The following IQCK variants were observed in gnomAD, a reference collection of about 807,000 sequenced individuals.
IQCK encodes the protein IQ motif containing K.
In IQCK, 29 loss-of-function variants were observed where a neutral mutation model predicts 28.1. The observed-to-expected ratio is 1.03, with a 90% confidence interval of 0.77 to 1.41. IQCK has a LOEUF of 1.41. Among genes scored for constraint, IQCK ranks in the 40% most tolerant of loss-of-function variants. The pLI, the probability that IQCK is intolerant of heterozygous loss-of-function variation, is 0.00. For synonymous variants in IQCK, 113 were observed against 115.1 expected (o/e 0.98, Z 0.12); for missense variants, 359 against 314.7 (o/e 1.14, Z -1.07).
intron 6 of IQCK, among the ~76,000 whole-genome samples, chr16:19,782,671 G>A (rs1382958667): frequency 6.6e-6 from 1 of 152,040 alleles, no homozygotes; most frequent in East Asian, 1.9e-4. Context: ...ATAGAATTTT[G>A]ATTCCAAAAT....
chr16:19,820,640 C>T (rs941511042), intron 7 of IQCK, among the ~76,000 whole-genome samples: 6 of 136,152 alleles, frequency 4.4e-5, no homozygotes, highest in African/African-American at 1.7e-4. Flanking sequence ...CAGAGGGAAA[C>T]TCTGTATCAA....
intron 7 of IQCK, among the ~76,000 whole-genome samples, chr16:19,817,943 G>T (rs2056011142): frequency 6.6e-6 from 1 of 152,142 alleles, no homozygotes; most frequent in Admixed American, 6.6e-5. Flanking sequence ...ATTATAACTA[G>T]ACCTTCCTTT....
downstream of IQCK, among the ~76,000 whole-genome samples, chr16:19,830,026 T>C (rs200382575): frequency 0.22 from 33,905 of 151,772 alleles, 3,932 homozygotes; most frequent in Admixed American, 0.27. Context: ...AATGAATGAA[T>C]GAATGAATGA....
chr16:19,808,784 C>G (rs1191008250), intron 7 of IQCK, among the ~76,000 whole-genome samples: 10 of 152,206 alleles, frequency 6.6e-5, no homozygotes, highest in Non-Finnish European at 1.2e-4. Context: ...AGGGCAGTGC[C>G]CATGAAGCCA....
chr16:19,856,598 A>T, exon 10 of IQCK: 1 of 1,447,048 alleles, frequency 6.9e-7, no homozygotes, highest in Non-Finnish European at 9.7e-7. Context: ...TACCTTGTGC[A>T]AGGAAAATGT....
intron 7 of IQCK, among the ~76,000 whole-genome samples, chr16:19,805,549 C>A (rs1056951934): frequency 2.0e-5 from 3 of 152,152 alleles, no homozygotes; most frequent in African/African-American, 7.2e-5. Flanking sequence ...AGACTGTAAA[C>A]AGATACAAAT....
At chr16:19,759,555 T>G (rs191401676) in intron 4 of IQCK, among the ~76,000 whole-genome samples, 7 of 152,114 alleles carry the variant, frequency 4.6e-5, no homozygotes, top group African/African-American at 1.7e-4. Context: ...AAAAAAGACA[T>G]GTATATGTGG....
chr16:19,736,575 G>A (rs1250876765), intron 4 of IQCK, among the ~76,000 whole-genome samples: 1 of 152,206 alleles, frequency 6.6e-6, no homozygotes, highest in Non-Finnish European at 1.5e-5. Flanking sequence ...TTGGGTGTAT[G>A]TGTTCCCTGC....
At position 19,826,802 on chromosome 16, in the gene IQCK, A is replaced by G. The variant is rs538713279; in HGVS notation, c.691-224A>G. The stretch of plus-strand genomic sequence containing the variant: ...TCTTTCTATTGGACAGCACACACCT[A>G]TTCATTCTTAACCTACTATTACTAT... On this transcript the variant is annotated intron_variant, in intron 7 of 7. Transcript: ENST00000564186. 1.4e-4 allele frequency among the ~76,000 whole-genome samples: 22 copies of G among 152,356 alleles called. 1 individual carries two copies. The South Asian group carries it at 4.6e-3, about 32-fold the overall frequency.
At chr16:19,735,588 C>CT in intron 4 of IQCK, 138 bp downstream of exon 4, 1 of 699,232 alleles carries the variant, frequency 1.4e-6, no homozygotes, top group South Asian at 1.7e-5. Context: ...TTTGGGGTCA[C>CT]TTACCCAGTT....
chr16:19,843,081 T>C (rs951418281), intron 9 of IQCK, among the ~76,000 whole-genome samples: 1 of 152,198 alleles, frequency 6.6e-6, no homozygotes, highest in Non-Finnish European at 1.5e-5. Flanking sequence ...TCTTCTTAAC[T>C]GATTGTAGAA....
At chr16:19,739,376 A>C (rs1340978127) in intron 4 of IQCK, among the ~76,000 whole-genome samples, 1 of 152,214 alleles carries the variant, frequency 6.6e-6, no homozygotes, top group African/African-American at 2.4e-5. Context: ...CTAACAAGAG[A>C]GGGCACTCTG....
intron 7 of IQCK, among the ~76,000 whole-genome samples, chr16:19,796,474 GTTTATTTATTTA>G (rs533247341): frequency 2.7e-5 from 3 of 109,672 alleles, no homozygotes; most frequent in African/African-American, 9.2e-5. Flanking sequence ...TCGTTCGTTC[GTTTATTTATTTA>G]TTTATTTATT....
chr16:19,799,639 CA>C (rs1242035873), intron 7 of IQCK, among the ~76,000 whole-genome samples: 3,518 of 134,804 alleles, frequency 0.026, 610 homozygotes, highest in African/African-American at 0.12. Context: ...CACACACACA[CA>C]CCCAGTGAAT....
intron 7 of IQCK, among the ~76,000 whole-genome samples, chr16:19,821,660 C>T (rs552779316): frequency 1.3e-5 from 2 of 152,296 alleles, no homozygotes; most frequent in East Asian, 3.9e-4. Flanking sequence ...CGCCACTGCA[C>T]TCCAGCCTGG....
At chr16:19,763,142 A>G (rs779032944) in intron 4 of IQCK, among the ~76,000 whole-genome samples, 1 of 152,172 alleles carries the variant, frequency 6.6e-6, no homozygotes, top group African/African-American at 2.4e-5. Context: ...CTTAACTACT[A>G]ATACCCTACT....
intron 9 of IQCK, among the ~76,000 whole-genome samples, chr16:19,840,098 G>T (rs904955437): frequency 2.0e-5 from 3 of 152,160 alleles, no homozygotes; most frequent in African/African-American, 7.2e-5. Flanking sequence ...AAGACCGCCT[G>T]TAATCTCAGG....
At chr16:19,819,632 T>C (rs2056038085) in intron 7 of IQCK, 1 of 157,572 alleles carries the variant, frequency 6.3e-6, no homozygotes, top group Non-Finnish European at 1.4e-5. Context: ...GTAATTCATA[T>C]GATAAATTGG....
At chr16:19,799,593 TATATACACAC>T (rs1235370964) in intron 7 of IQCK, among the ~76,000 whole-genome samples, 2 of 103,118 alleles carry the variant, frequency 1.9e-5, no homozygotes, top group African/African-American at 1.1e-4. Flanking sequence ...TATATATATA[TATATACACAC>T]ACACACACAC....
Sources: allele counts gnomAD v4.1 joint callset (sites outside exome capture counted in the v4.1 genomes callset), GRCh38; gene constraint gnomAD v4.1.1; transcripts MANE v1.5; gene names NCBI Gene and HGNC (gene_info 2026-07-23, HGNC 2026-07-21).